Variants in RBP7 observed in about 807,000 individuals in gnomAD.
RBP7 encodes retinoid-binding protein 7.
A neutral mutation model predicts 16.7 loss-of-function variants in RBP7; 13 were observed. That is an observed-to-expected ratio of 0.78 (90% CI 0.51 to 1.24). RBP7 has a LOEUF of 1.24. Ranked by LOEUF, RBP7 falls within the 50% of genes most tolerant of loss-of-function variation. RBP7 has a pLI of 0.00. For synonymous variants in RBP7, 54 were observed against 56.2 expected, an observed-to-expected ratio of 0.96 and a Z score of 0.17; for missense variants, 145 against 159.5, an observed-to-expected ratio of 0.91 and a Z score of 0.49.
At position 10,008,210 on chromosome 1, in the gene RBP7, TC is replaced by T; in HGVS notation, c.292del (p.Gln98ArgfsTer59). ...TGGGACAATGACAGGCTCACCTGTA[TC>T]CAGAAGGGAGAAAAGAAGAACAGAG... ...VIWDNDRLTC[I>X]QKGEKKNRGW... is the part of the protein sequence containing the mutation. On this transcript the variant is annotated frameshift_variant, in exon 3 of 4. Transcript: ENST00000294435. LOFTEE classifies it high-confidence loss of function. 1 of 1,613,300 alleles carries T rather than the reference TC, an allele frequency of 6.2e-7. No individual in the cohort carries two copies. Among genetic ancestry groups the T allele is most frequent in the Non-Finnish European group, 8.5e-7 (1 of 1,179,464 alleles).
At position 9,998,010 on chromosome 1, in the gene RBP7, C is replaced by T. The variant is rs1050551317; in HGVS notation, c.73+679C>T. On this transcript the variant is annotated intron_variant, in intron 1 of 3. Coordinates refer to ENST00000294435, the MANE Select transcript of RBP7 (RefSeq NM_052960.3). ...GGCGTTCTTGCTCCCGGGGGCCCCG[C>T]GCTGTGCTTCCCGCCCTCATCGCGG... Among the ~76,000 whole-genome samples the T allele has an allele frequency of 2.0e-5, 3 of 152,338 alleles. No individual in the cohort carries two copies. In the East Asian group the frequency reaches 5.8e-4, roughly 29 times the overall value.
At chr1:9,998,139 C>G (rs934713802) in intron 1 of RBP7, among the ~76,000 whole-genome samples, 4 of 152,196 alleles carry the variant, frequency 2.6e-5, no homozygotes. Flanking sequence ...CACGCGTGCG[C>G]CAGCCACCAC....
chr1:10,003,532 A>G (rs1642337882), intron 1 of RBP7, among the ~76,000 whole-genome samples: 1 of 152,186 alleles, frequency 6.6e-6, no homozygotes, highest in Admixed American at 6.5e-5. Flanking sequence ...CTGAGCTGCT[A>G]CTTTCTGCCT....
chr1:10,011,554 G>A (rs1385607260), intron 3 of RBP7, among the ~76,000 whole-genome samples: 1 of 152,194 alleles, frequency 6.6e-6, no homozygotes, highest in African/African-American at 2.4e-5. Flanking sequence ...ACTGTAGGGT[G>A]AAGATTCAAA....
At chr1:10,007,801 CTT>C (rs572986553) in intron 2 of RBP7, 53 bp downstream of exon 2, 6 of 1,547,526 alleles carry the variant, frequency 3.9e-6, no homozygotes, top group Non-Finnish European at 5.3e-6. Flanking sequence ...AATCCTAACA[CTT>C]TGGGAGGCCA....
intron 3 of RBP7, among the ~76,000 whole-genome samples, chr1:10,010,948 C>T (rs1453323036): frequency 6.6e-6 from 1 of 151,994 alleles, no homozygotes; most frequent in Non-Finnish European, 1.5e-5. Flanking sequence ...AGGCTGGTCT[C>T]GAATTCCTGA....
rs1452246699 is a variant in RBP7 at position 10,007,735 on chromosome 1, A to T, written c.239A>T (p.Asn80Ile). 6.2e-7 allele frequency: 1 copy of T among 1,611,350 alleles called. No homozygotes were observed. The highest frequency in any genetic ancestry group is 8.5e-7 in the Non-Finnish European group (1 of 1,179,414). ...GATGAAGATAACAGAGGCCTGGACA[A>T]CAGAAAATGCAAGGTAAAATGTAAA... is the stretch of plus-strand genomic sequence containing the variant. Reference protein sequence around the residue: ...EFDEDNRGLDNRKCKSLVIWD... With the variant: ...EFDEDNRGLDIRKCKSLVIWD... The change falls in exon 2 of 4, where the codon AAC becomes ATC. Residue 80 changes from asparagine to isoleucine, a missense_variant. Physicochemically the swap from Asn to Ile is moderately radical, Grantham distance 149. Transcript: ENST00000294435.
chr1:10,003,944 T>A (rs185347916), intron 1 of RBP7: 2 of 149,540 alleles, frequency 1.3e-5, no homozygotes, highest in East Asian at 4.0e-4. Flanking sequence ...TTAGTAGAGA[T>A]GGGGTTTTGC....
chr1:10,005,568 G>A (rs1424672984), intron 1 of RBP7, among the ~76,000 whole-genome samples: 1 of 143,520 alleles, frequency 7.0e-6, no homozygotes, highest in Admixed American at 7.0e-5. Context: ...TGTTGTTTGG[G>A]TTTTTTTTTT....
chr1:9,998,407 C>CTTTTTT (rs772810621), intron 1 of RBP7, among the ~76,000 whole-genome samples: 36 of 121,574 alleles, frequency 3.0e-4, no homozygotes, highest in African/African-American at 6.0e-4. Context: ...TTCTTTCTTT[C>CTTTTTT]TTTTTTTTTT....
intron 1 of RBP7, among the ~76,000 whole-genome samples, chr1:10,006,058 C>A (rs1355760824): frequency 6.6e-6 from 1 of 152,144 alleles, no homozygotes; most frequent in Non-Finnish European, 1.5e-5. Context: ...TTCAGCTCCC[C>A]GCTGAGACGT....
intron 3 of RBP7, among the ~76,000 whole-genome samples, chr1:10,012,506 C>A (rs1642652683): frequency 6.6e-6 from 1 of 151,980 alleles, no homozygotes; most frequent in Non-Finnish European, 1.5e-5. Flanking sequence ...AAATTATGCA[C>A]AACAGCTGGG....
chr1:10,007,729 T>C lies in RBP7; in HGVS notation c.233T>C (p.Leu78Pro). The C allele has an allele frequency of 1.2e-6, 2 of 1,611,636 alleles. No homozygotes were observed. The highest frequency in any genetic ancestry group is 1.7e-6 in the Non-Finnish European group (2 of 1,179,458). ...GEEFDEDNRG[L>P]DNRKCKSLVI... ...GAATTTGATGAAGATAACAGAGGCC[T>C]GGACAACAGAAAATGCAAGGTAAAA... Residue 78 changes from leucine (L) to proline (P), a missense_variant, in exon 2 of 4, where the codon CTG becomes CCG. Leu to Pro is a moderately conservative substitution (Grantham distance 98). Transcript: ENST00000294435.
chr1:10,007,450 A>T, intron 1 of RBP7, 120 bp from the exon 2 acceptor site: 1 of 764,118 alleles, frequency 1.3e-6, no homozygotes, highest in Non-Finnish European at 2.1e-6. Context: ...GCAGCAAACA[A>T]CATAGAAGTC....
intron 1 of RBP7, among the ~76,000 whole-genome samples, chr1:10,001,647 C>T (rs961729303): frequency 2.0e-5 from 3 of 151,996 alleles, no homozygotes; most frequent in Non-Finnish European, 4.4e-5. Context: ...ACTGAAGGTG[C>T]GTGCTTCAGA....
rs1201565437 is a variant in RBP7, at chr1:9,997,234, C to T, written c.-25C>T. ...CCGGCCCGAGCCTCCGGCCGCCCGC[C>T]GGGTTTGTCCCGCGATCCCCGACCA... On this transcript the variant is annotated 5_prime_UTR_variant, in exon 1 of 4. Transcript: ENST00000294435. This position sits in a 1 kb window ranked among gnomAD's most constrained non-coding sequence, Gnocchi z 5.9. 2 of 1,606,930 alleles carry T rather than the reference C, an allele frequency of 1.2e-6. No homozygotes were observed. Among genetic ancestry groups the T allele is most frequent in the African/African-American group, 1.3e-5 (1 of 74,106 alleles).
chr1:10,007,048 G>C (rs923630411), intron 1 of RBP7: 5 of 376,420 alleles, frequency 1.3e-5, no homozygotes, highest in African/African-American at 1.1e-4. Context: ...CTGGGTTCAA[G>C]CAATTCTCCT....
intron 2 of RBP7, among the ~76,000 whole-genome samples, 190 bp from the exon 3 acceptor site, chr1:10,007,983 G>A (rs1271765755): frequency 2.0e-5 from 3 of 151,716 alleles, no homozygotes; most frequent in Non-Finnish European, 4.4e-5. Context: ...CCGGGAGGTG[G>A]AGGTTGGTTG....
rs1642254918 is a variant in RBP7 at position 10,000,735 on chromosome 1, T to C, written c.73+3404T>C. ...TAGGAAAATAATAAATGATCGCCTC[T>C]TTTTTTGTTGTTGTTGTTGAGATGG... is the stretch of plus-strand genomic sequence containing the variant. On this transcript the variant is annotated intron_variant, in intron 1 of 3. Transcript: ENST00000294435. 1.3e-5 allele frequency among the ~76,000 whole-genome samples: 2 copies of C among 151,770 alleles called. 1 individual carries two copies. The highest frequency in any genetic ancestry group is 4.2e-4 in the South Asian group (2 of 4,816).
Sources: allele counts gnomAD v4.1 joint callset (sites outside exome capture counted in the v4.1 genomes callset), GRCh38; gene constraint gnomAD v4.1.1; non-coding constraint Gnocchi (gnomAD v3.1); transcripts MANE v1.5; gene names NCBI Gene and HGNC (gene_info 2026-07-23, HGNC 2026-07-21).